Variants in ZNF227 observed in about 807,000 individuals in gnomAD.
The protein encoded by ZNF227 is zinc finger protein 227.
In ZNF227, 12 loss-of-function variants were observed where a neutral mutation model predicts 13.2. The ratio of observed to expected loss-of-function variants is 0.91; its 90% CI spans 0.58 to 1.47. ZNF227 has a LOEUF of 1.47. ZNF227 is among the 40% of genes most tolerant of loss of function. The pLI is 0.00. For synonymous variants in ZNF227, 338 were observed against 326.0 expected, an observed-to-expected ratio of 1.04 and a Z score of -0.40; for missense variants, 885 against 967.5, an observed-to-expected ratio of 0.91 and a Z score of 1.13.
chr19:44,229,739 T>G lies in ZNF227; in HGVS notation c.194T>G (p.Leu65Arg). Residue 65 changes from leucine (L) to arginine (R), a missense_variant, in exon 5 of 6, where the codon CTT becomes CGT. Coordinates refer to ENST00000313040, the MANE Select transcript of ZNF227 (RefSeq NM_182490.3). ...NFKNLVAVGHLPFQPDMVSQL... is the reference protein window; with the variant it reads ...NFKNLVAVGHRPFQPDMVSQL... The stretch of plus-strand genomic sequence containing the variant: ...AAAATCTACATTTTCATAGGGCATC[T>G]TCCCTTCCAACCAGATATGGTATCC... The G allele has an allele frequency of 6.4e-7, 1 of 1,573,728 alleles. No individual in the cohort carries two copies. Among genetic ancestry groups the G allele is most frequent in the Non-Finnish European group, 8.7e-7 (1 of 1,155,864 alleles).
intron 3 of ZNF227, among the ~76,000 whole-genome samples, chr19:44,220,011 A>G (rs1972305784): frequency 6.6e-6 from 1 of 150,826 alleles, no homozygotes; most frequent in Middle Eastern, 3.2e-3. Context: ...ATTCCCACCT[A>G]TGAGTGAGAA....
chr19:44,212,366 G>GT (rs778010029), upstream of ZNF227, among the ~76,000 whole-genome samples: 5,513 of 107,956 alleles, frequency 0.051, 193 homozygotes, highest in African/African-American at 0.1. Flanking sequence ...CGCTCGCTCC[G>GT]TTTTTTTTTT....
chr19:44,236,181 G>C lies in ZNF227; in HGVS notation c.1751G>C (p.Gly584Ala), dbSNP rs148430555. The part of the protein sequence containing the change: ...KPYKCEECGK[G>A]FSWRSNLHAH... ...TATAAATGTGAGGAATGTGGGAAGG[G>C]CTTCAGTTGGAGATCAAATCTTCAT... The change falls in exon 6 of 6, where the codon GGC becomes GCC. Residue 584 changes from glycine (G) to alanine (A), a missense_variant. Transcript: ENST00000313040. 4.3e-6 allele frequency: 7 copies of C among 1,613,932 alleles called. No individual in the cohort carries two copies. The highest frequency in any genetic ancestry group is 5.9e-6 in the Non-Finnish European group (7 of 1,180,014).
upstream of ZNF227, chr19:44,212,394 A>G (rs1401575571): frequency 1.5e-5 from 2 of 130,514 alleles, no homozygotes; most frequent in Non-Finnish European, 3.1e-5. Flanking sequence ...TTTTTTTTCA[A>G]GCGCGAAGAG....
intron 3 of ZNF227, among the ~76,000 whole-genome samples, chr19:44,222,116 A>G (rs1418674369): frequency 1.3e-5 from 2 of 151,652 alleles, no homozygotes; most frequent in African/African-American, 4.9e-5. Context: ...TGTTCCATTG[A>G]TCTATATCTC....
At chr19:44,208,310 A>T (rs1971258008), upstream of ZNF227, among the ~76,000 whole-genome samples, 1 of 152,204 alleles carries the variant, frequency 6.6e-6, no homozygotes, top group African/African-American at 2.4e-5. Context: ...TTTACTTGAG[A>T]ATCCAGTGTT....
chr19:44,231,531 C>A (rs2122912554), intron 5 of ZNF227, among the ~76,000 whole-genome samples: 1 of 152,230 alleles, frequency 6.6e-6, no homozygotes, highest in Admixed American at 6.5e-5. Context: ...TGGGGTTTCA[C>A]CATGTTGGCC....
intron 5 of ZNF227, among the ~76,000 whole-genome samples, chr19:44,233,652 C>T (rs748998101): frequency 5.3e-5 from 8 of 152,060 alleles, no homozygotes; most frequent in Non-Finnish European, 1.0e-4. Context: ...TCCCAGCACT[C>T]TGGGAGGCCG....
chr19:44,219,915 T>G (rs1972286961), intron 3 of ZNF227, among the ~76,000 whole-genome samples: 71 of 144,520 alleles, frequency 4.9e-4, no homozygotes, highest in South Asian at 1.1e-3. Flanking sequence ...TATCTCCTAA[T>G]GCTATCCCTC....
At chr19:44,209,046 G>A (rs77892297), upstream of ZNF227, among the ~76,000 whole-genome samples, 14,876 of 152,118 alleles carry the variant, frequency 0.098, 1,746 homozygotes, top group African/African-American at 0.26. Context: ...CTGCACTCCA[G>A]CTTGGATGAC....
At chr19:44,219,157 G>T (rs1023974857) in intron 3 of ZNF227, among the ~76,000 whole-genome samples, 1 of 152,196 alleles carries the variant, frequency 6.6e-6, no homozygotes, top group African/African-American at 2.4e-5. Flanking sequence ...AAAGTGCTGG[G>T]ATTATAGGCG....
At position 44,236,807 on chromosome 19, in the gene ZNF227, G is replaced by A; in HGVS notation, c.2377G>A (p.Val793Ile). Reference protein sequence around the residue: ...HRSRLTYHQKVHTGKKL With the variant: ...HRSRLTYHQKIHTGKKL The stretch of plus-strand genomic sequence containing the variant: ...TTCACGTCTTACATATCATCAGAAA[G>A]TCCATACTGGTAAAAAGCTTTAGAA... The change falls in exon 6 of 6, where the codon GTC becomes ATC. Residue 793 changes from valine (V) to isoleucine (I), a missense_variant. Physicochemically the swap from Val to Ile is conservative, Grantham distance 29. Coordinates refer to ENST00000313040, the MANE Select transcript of ZNF227 (RefSeq NM_182490.3). The A allele has an allele frequency of 1.3e-6, 2 of 1,575,860 alleles. No homozygotes were observed. The highest frequency in any genetic ancestry group is 1.7e-6 in the Non-Finnish European group (2 of 1,163,170).
chr19:44,232,634 C>T (rs773611742), intron 5 of ZNF227, among the ~76,000 whole-genome samples: 1 of 151,308 alleles, frequency 6.6e-6, no homozygotes, highest in Non-Finnish European at 1.5e-5. Context: ...TCCTTAAGAG[C>T]TTTCATTTAA....
upstream of ZNF227, among the ~76,000 whole-genome samples, chr19:44,210,060 G>A (rs1335282028): frequency 2.6e-5 from 4 of 152,308 alleles, no homozygotes; most frequent in East Asian, 5.8e-4. Flanking sequence ...GAAACCTGCA[G>A]ATCATTTAGA....
Position 44,235,642 on chromosome 19 carries a change from T to A in ZNF227, c.1212T>A (p.Gly404=). ...NLRVHQRVHR[G]EKPYKCEECG... Reference sequence around the variant, plus strand: ...GTGTTCACCAGAGGGTCCACAGGGGTGAGAAGCCCTATAAATGTGAGGAAT... The same window carrying A: ...GTGTTCACCAGAGGGTCCACAGGGGAGAGAAGCCCTATAAATGTGAGGAAT... The change falls in exon 6 of 6, where the codon GGT becomes GGA. Residue 404 remains glycine (G), a synonymous_variant. Coordinates refer to ENST00000313040, the MANE Select transcript of ZNF227 (RefSeq NM_182490.3). The A allele has an allele frequency of 6.2e-7, 1 of 1,612,524 alleles. No individual in the cohort carries two copies. The highest frequency in any genetic ancestry group is 1.7e-4 in the Middle Eastern group (1 of 6,050).
intron 3 of ZNF227, among the ~76,000 whole-genome samples, chr19:44,226,428 C>T (rs1344816878): frequency 6.6e-6 from 1 of 152,232 alleles, no homozygotes; most frequent in Non-Finnish European, 1.5e-5. Context: ...GGGCTCCACC[C>T]AGTTCGAGCT....
intron 3 of ZNF227, among the ~76,000 whole-genome samples, chr19:44,224,332 TTC>T (rs986322674): frequency 6.4e-4 from 97 of 152,298 alleles, no homozygotes; most frequent in African/African-American, 2.2e-3. Context: ...CTTGTTAACT[TTC>T]TGTCTCGTTG....
Position 44,228,583 on chromosome 19 carries a change from G to A in ZNF227, c.187+11G>A. The stretch of plus-strand genomic sequence containing the variant: ...ACCTGGTTGCAGTGGGTGAGGACAG[G>A]CACTCTCTGACCCTGAACTTCAGTT... On this transcript the variant is annotated intron_variant, in intron 4 of 5. Coordinates refer to ENST00000313040, the MANE Select transcript of ZNF227 (RefSeq NM_182490.3). The A allele has an allele frequency of 1.9e-6, 3 of 1,604,456 alleles. No individual in the cohort carries two copies. The highest frequency in any genetic ancestry group is 1.7e-5 in the Admixed American group (1 of 57,828).
intron 2 of ZNF227, among the ~76,000 whole-genome samples, chr19:44,215,182 T>G (rs1214844847): frequency 6.6e-6 from 1 of 151,232 alleles, no homozygotes; most frequent in Non-Finnish European, 1.5e-5. Flanking sequence ...TTTTTTTTTT[T>G]TTTGAAACGG....
Sources: gnomAD v4.1 joint callset for allele counts (sites outside exome capture counted in the v4.1 genomes callset) on GRCh38, gnomAD v4.1.1 for gene constraint, MANE v1.5 for transcripts, NCBI Gene and HGNC (gene_info 2026-07-23, HGNC 2026-07-21) for gene names.